Variants in AFF4 observed in about 807,000 individuals in gnomAD.
AFF4 encodes ALF transcription elongation factor 4, also known as AF4/FMR2 family member 4.
A neutral mutation model predicts 124.8 loss-of-function variants in AFF4; 13 were observed. That is an observed-to-expected ratio of 0.10 (90% CI 0.07 to 0.17). The LOEUF (loss-of-function observed/expected upper bound fraction) is 0.17. Ranked by LOEUF, AFF4 falls within the 10% of genes least tolerant of loss-of-function variation. The pLI, the probability that AFF4 is intolerant of heterozygous loss-of-function variation, is 1.00. For missense variants in AFF4, 1,092 were observed against 1,403.8 expected (o/e 0.78, Z 3.55); for synonymous variants, 477 against 496.1 (o/e 0.96, Z 0.51).
intron 1 of AFF4, among the ~76,000 whole-genome samples, chr5:132,944,437 G>A (rs1314665811): frequency 6.6e-6 from 1 of 152,122 alleles, no homozygotes; most frequent in Admixed American, 6.6e-5. Flanking sequence ...CTCAAGCTCA[G>A]GAGTTTGAGA....
At chr5:132,891,744 C>G in intron 13 of AFF4, 1 of 218,374 alleles carries the variant, frequency 4.6e-6, no homozygotes. Context: ...ACTAGAACCA[C>G]TTAGTTCTTA....
At chr5:132,892,933 A>T in intron 12 of AFF4, 97 bp downstream of exon 12, 2 of 1,150,040 alleles carry the variant, frequency 1.7e-6, no homozygotes, top group Non-Finnish European at 2.6e-6. Flanking sequence ...ACACTTGCTT[A>T]CTAAAAGGAA....
chr5:132,956,133 C>T (rs1434029274), intron 1 of AFF4, among the ~76,000 whole-genome samples: 1 of 151,970 alleles, frequency 6.6e-6, no homozygotes, highest in African/African-American at 2.4e-5. Context: ...CTAAAGAAAT[C>T]CTCAAACCCA....
At chr5:132,899,447 A>T (rs1231508991) in intron 8 of AFF4, 140 bp downstream of exon 8, 6 of 859,686 alleles carry the variant, frequency 7.0e-6, no homozygotes, top group Admixed American at 5.5e-5. Flanking sequence ...AAAACAGAGA[A>T]GAAAACTACA....
chr5:132,926,684 G>A (rs1192850639), intron 5 of AFF4: 1 of 138,258 alleles, frequency 7.2e-6, no homozygotes, highest in African/African-American at 2.7e-5. Context: ...CCACGGGCCT[G>A]TGCCACTATG....
At chr5:132,923,058 C>T (rs1458815408) in intron 5 of AFF4, among the ~76,000 whole-genome samples, 2 of 152,096 alleles carry the variant, frequency 1.3e-5, no homozygotes, top group South Asian at 2.1e-4. Flanking sequence ...TACCTGTAGT[C>T]CCAGCTACTC....
chr5:132,922,646 G>A (rs548242192), intron 5 of AFF4, among the ~76,000 whole-genome samples: 3 of 150,808 alleles, frequency 2.0e-5, no homozygotes, highest in Non-Finnish European at 4.4e-5. Flanking sequence ...TAGGCGTGGT[G>A]GCACGTGCCT....
chr5:132,876,442 G>C lies in AFF4; in HGVS notation c.*4617C>G. Reference sequence around the variant, plus strand: ...GAAGTCCCACATGGAAGCAGTAAGAGGTCAAAACTGAGTATCACTAGAGTT... The same window carrying C: ...GAAGTCCCACATGGAAGCAGTAAGACGTCAAAACTGAGTATCACTAGAGTT... On this transcript the variant is annotated 3_prime_UTR_variant, in exon 21 of 21. Coordinates refer to ENST00000265343, the MANE Select transcript of AFF4 (RefSeq NM_014423.4). The C allele has an allele frequency of 4.5e-6, 1 of 223,668 alleles. No homozygotes were observed. The highest frequency in any genetic ancestry group is 8.9e-6 in the Non-Finnish European group (1 of 112,000). 13.9% of individuals were successfully genotyped at this position (223,668 alleles called of 1,614,324 possible).
chr5:132,908,826 A>C (rs1448220919), intron 5 of AFF4, among the ~76,000 whole-genome samples: 1 of 144,198 alleles, frequency 6.9e-6, no homozygotes, highest in South Asian at 2.1e-4. Context: ...ACTGGAGTGC[A>C]GTGGTGTGAT....
chr5:132,896,722 A>G lies in AFF4; in HGVS notation c.1908T>C (p.Ser636=), dbSNP rs528969558. ...CTATGATTTCCCTTGATTTCTGGGAAGATTTACTTGTTGACTTATATTTCT... is the reference window on the plus strand; with the variant it reads ...CTATGATTTCCCTTGATTTCTGGGAGGATTTACTTGTTGACTTATATTTCT... ...EKKKYKSTSK[S]SQKSREIIET... The change falls in exon 11 of 21, where the codon TCT becomes TCC. Residue 636 remains serine, a synonymous_variant. Transcript: ENST00000265343. The G allele has an allele frequency of 6.2e-7, 1 of 1,614,162 alleles. No homozygotes were observed. The highest frequency in any genetic ancestry group is 1.3e-5 in the African/African-American group (1 of 75,044).
At chr5:132,960,934 C>T (rs187073691) in intron 1 of AFF4, among the ~76,000 whole-genome samples, 1 of 152,144 alleles carries the variant, frequency 6.6e-6, no homozygotes, top group African/African-American at 2.4e-5. Context: ...TGAGACATCG[C>T]CTAGGTTGGC....
At chr5:132,900,858 A>T in intron 7 of AFF4, 1 of 980,700 alleles carries the variant, frequency 1.0e-6, no homozygotes, top group South Asian at 4.7e-5. Flanking sequence ...TCTCATTATC[A>T]GTAATTCCAT....
In AFF4 at chr5:132,878,206, C is replaced by G. The variant is rs776896255; in HGVS notation, c.*2853G>C. The G allele has an allele frequency of 8.7e-6, 2 of 229,224 alleles. No individual in the cohort carries two copies. Among genetic ancestry groups the G allele is most frequent in the Non-Finnish European group, 1.7e-5 (2 of 115,512 alleles). The allele number at this position is 229,224 out of a possible 1,614,324, so 14.2% of individuals were successfully genotyped here. A position where few individuals can be genotyped will look rare whatever the true frequency, so the allele number is the denominator to read the frequency against. On this transcript the variant is annotated 3_prime_UTR_variant, in exon 21 of 21. Coordinates refer to ENST00000265343, the MANE Select transcript of AFF4 (RefSeq NM_014423.4). ...CTGAAGGGGAATGCTTCCCACAGCC[C>G]AGCCCAGTCTGGCCCAGGCAAGACT...
chr5:132,909,159 C>A (rs1760737575), intron 5 of AFF4, among the ~76,000 whole-genome samples: 1 of 139,088 alleles, frequency 7.2e-6, no homozygotes, highest in African/African-American at 2.7e-5. Flanking sequence ...GAGTTTCACA[C>A]TCCTGTAGGA....
chr5:132,878,195 T>G lies in AFF4; in HGVS notation c.*2864A>C, dbSNP rs1759886426. On this transcript the variant is annotated 3_prime_UTR_variant, in exon 21 of 21. Coordinates refer to ENST00000265343, the MANE Select transcript of AFF4 (RefSeq NM_014423.4). ...TGGAAACTCCCCTGAAGGGGAATGCTTCCCACAGCCCAGCCCAGTCTGGCC... is the reference window on the plus strand; with the variant it reads ...TGGAAACTCCCCTGAAGGGGAATGCGTCCCACAGCCCAGCCCAGTCTGGCC... 2 of 227,564 alleles carry G rather than the reference T, an allele frequency of 8.8e-6. No individual in the cohort carries two copies. Among genetic ancestry groups the G allele is most frequent in the Admixed American group, 1.1e-4 (2 of 17,542 alleles). 14.1% of individuals were successfully genotyped at this position (227,564 alleles called of 1,614,324 possible). A position where few individuals can be genotyped will look rare whatever the true frequency, so the allele number is the denominator to read the frequency against.
chr5:132,916,833 A>G (rs898517144), intron 5 of AFF4, among the ~76,000 whole-genome samples: 3 of 152,230 alleles, frequency 2.0e-5, no homozygotes, highest in African/African-American at 7.2e-5. Context: ...CAAATTCAGC[A>G]CTATAAAAAA....
chr5:132,877,113 T>C lies in AFF4; in HGVS notation c.*3946A>G, dbSNP rs770956282. The C allele has an allele frequency of 4.9e-6, 1 of 205,722 alleles. No homozygotes were observed. The highest frequency in any genetic ancestry group is 1.0e-5 in the Non-Finnish European group (1 of 100,306). The allele number at this position is 205,722 out of a possible 1,614,324, so 12.7% of individuals were successfully genotyped here. A position where few individuals can be genotyped will look rare whatever the true frequency, so the allele number is the denominator to read the frequency against. ...GTGTCTATATGGGTTTGAAATGCTC[T>C]GTCTCCCCAAGTTACTTAGGTTTTT... On this transcript the variant is annotated 3_prime_UTR_variant, in exon 21 of 21. Transcript: ENST00000265343.
rs1760501321 is a variant in AFF4, at chr5:132,899,702, C to T, written c.1134-61G>A. 3 of 1,403,994 alleles carry T rather than the reference C, an allele frequency of 2.1e-6. No homozygotes were observed. The East Asian group carries it at 6.9e-5, about 32-fold the overall frequency. The allele number at this position is 1,403,994 out of a possible 1,614,324, so 87.0% of individuals were successfully genotyped here. A position where few individuals can be genotyped will look rare whatever the true frequency, so the allele number is the denominator to read the frequency against. On this transcript the variant is annotated intron_variant, in intron 7 of 20. Transcript: ENST00000265343. ...ACAGTTTACATGGTATGCCAGAGTA[C>T]TAAATATCTACTAAAAATTCTAGAA...
intron 5 of AFF4, among the ~76,000 whole-genome samples, chr5:132,908,894 C>A (rs1760730967): frequency 6.6e-6 from 1 of 150,848 alleles, no homozygotes; most frequent in South Asian, 2.1e-4. Context: ...CCTCAGCCTT[C>A]CAAGTAGCTG....
Sources: gnomAD v4.1 joint callset for allele counts (sites outside exome capture counted in the v4.1 genomes callset) on GRCh38, gnomAD v4.1.1 for gene constraint, MANE v1.5 for transcripts, NCBI Gene and HGNC (gene_info 2026-07-23, HGNC 2026-07-21) for gene names.